NAV2: variants seen among roughly 807,000 people sequenced by gnomAD.
The protein encoded by NAV2 is helicase, APC down-regulated 1.
In NAV2, 54 loss-of-function variants were observed where a neutral mutation model predicts 223.2. That is an observed-to-expected ratio of 0.24 (90% CI 0.19 to 0.30). The LOEUF (loss-of-function observed/expected upper bound fraction) is 0.30. Among genes scored for constraint, NAV2 ranks in the 10% least tolerant of loss-of-function variants. The probability of loss-of-function intolerance (pLI) is 1.00; values close to 1 mark genes in which losing one functional copy is unlikely to be tolerated. For synonymous variants in NAV2, 1,279 were observed against 1,239.3 expected (o/e 1.03, Z -0.67); for missense variants, 2,806 against 3,147.5 (o/e 0.89, Z 2.60).
Position 19,378,718 on chromosome 11 carries a change from G to A in NAV2, c.75+27691G>A, listed in dbSNP as rs945709835. Among the ~76,000 whole-genome samples the A allele has an allele frequency of 5.3e-5, 8 of 152,204 alleles. No individual in the cohort carries two copies. The South Asian group carries it at 1.0e-3, about 20-fold the overall frequency. On this transcript the variant is annotated intron_variant, in intron 1 of 37. Transcript: ENST00000360655. ...GTGTCAAGCTGAGGACAGGTTTGGCGCCTTCTTTGATTGTCTCCTCTGAAA... is the reference window on the plus strand; with the variant it reads ...GTGTCAAGCTGAGGACAGGTTTGGCACCTTCTTTGATTGTCTCCTCTGAAA...
rs1338595023 is a variant in NAV2 at position 19,998,045 on chromosome 11, G to T, written c.2768+13798G>T. Among the ~76,000 whole-genome samples the T allele has an allele frequency of 6.6e-6, 1 of 152,154 alleles. No homozygotes were observed. The highest frequency in any genetic ancestry group is 1.9e-4 in the East Asian group (1 of 5,194). On this transcript the variant is annotated intron_variant, in intron 11 of 37. Transcript: ENST00000349880. The surrounding 1 kb of genome is among the most constrained non-coding windows in gnomAD (Gnocchi z 5.0). ...CCCCAAGACTGAGAGGAAGGAAGCAGAACAAAAGTGTGTTTTTCTCAGCAT... is the reference window on the plus strand; with the variant it reads ...CCCCAAGACTGAGAGGAAGGAAGCATAACAAAAGTGTGTTTTTCTCAGCAT...
chr11:19,612,592 C>T (rs907997654), intron 1 of NAV2, among the ~76,000 whole-genome samples: 5 of 152,196 alleles, frequency 3.3e-5, no homozygotes, highest in Admixed American at 6.5e-5. Context: ...GGGTAAAATG[C>T]CACCAGCCTC....
intron 11 of NAV2, among the ~76,000 whole-genome samples, chr11:20,013,687 A>G (rs745378013): frequency 6.6e-6 from 1 of 152,168 alleles, no homozygotes; most frequent in Non-Finnish European, 1.5e-5. Context: ...CATTTCATAC[A>G]ATGCCCGGTC....
At chr11:19,811,706 TAA>T (rs1206341449) in intron 1 of NAV2, among the ~76,000 whole-genome samples, 1 of 152,208 alleles carries the variant, frequency 6.6e-6, no homozygotes, top group Non-Finnish European at 1.5e-5. Flanking sequence ...CCTGGAATTG[TAA>T]ATGACTGCCT....
chr11:19,531,400 G>A (rs1413409971), intron 1 of NAV2, among the ~76,000 whole-genome samples: 1 of 152,186 alleles, frequency 6.6e-6, no homozygotes, highest in Non-Finnish European at 1.5e-5. Context: ...GAAGCAGGGG[G>A]CCAGTTAGGA....
chr11:20,078,362 A>G (rs1326416059), intron 24 of NAV2, among the ~76,000 whole-genome samples: 1 of 152,266 alleles, frequency 6.6e-6, no homozygotes, highest in Non-Finnish European at 1.5e-5. Flanking sequence ...GCAGAGTGTT[A>G]AAGTATTTTA....
At chr11:20,033,179 T>C (rs912736259) in intron 11 of NAV2, among the ~76,000 whole-genome samples, 4 of 152,192 alleles carry the variant, frequency 2.6e-5, no homozygotes, top group African/African-American at 9.6e-5. Context: ...CTCTATTTCT[T>C]CATTTGTAAA....
intron 1 of NAV2, among the ~76,000 whole-genome samples, chr11:19,646,127 C>A (rs2047809924): frequency 6.6e-6 from 1 of 152,208 alleles, no homozygotes; most frequent in African/African-American, 2.4e-5. Context: ...CCTGGCTTTG[C>A]AAATGGGGTT....
In NAV2 at chr11:20,017,367, T is replaced by C. The variant is rs117250062; in HGVS notation, c.2769-18592T>C. On this transcript the variant is annotated intron_variant, in intron 11 of 37. Transcript: ENST00000349880. ...CCCCTTCCACTCCCCAACCCCTTCG[T>C]CTGGAACACCTGGCTTTCTCCTTCT... Among the ~76,000 whole-genome samples the C allele has an allele frequency of 9.4e-4, 143 of 152,286 alleles. 2 individuals carry two copies. In the East Asian group the frequency reaches 0.027, roughly 29 times the overall value.
At chr11:19,768,059 C>T (rs1281227942) in intron 1 of NAV2, among the ~76,000 whole-genome samples, 3 of 152,226 alleles carry the variant, frequency 2.0e-5, no homozygotes, top group African/African-American at 7.2e-5. Flanking sequence ...TCCTGGGAAA[C>T]AGGGAGTGAT....
In NAV2 at chr11:19,777,969, T is replaced by C. The variant is rs1485955676; in HGVS notation, c.268-54515T>C. On this transcript the variant is annotated intron_variant, in intron 1 of 37. Transcript: ENST00000349880. ...TGCGGTTTGGCTTGTCTGTGGGGAA[T>C]ACATGAGCCCCGAGTGAGTGAGTAT... is the stretch of plus-strand genomic sequence containing the variant. The C allele has an allele frequency of 8.8e-6, 4 of 455,370 alleles. No homozygotes were observed. The Admixed American group carries it at 9.4e-5, about 11-fold the overall frequency. 28.2% of individuals were successfully genotyped at this position (455,370 alleles called of 1,614,324 possible). A position where few individuals can be genotyped will look rare whatever the true frequency, so the allele number is the denominator to read the frequency against.
chr11:19,348,324 CT>C (rs1199968397), upstream of NAV2, among the ~76,000 whole-genome samples: 1 of 151,996 alleles, frequency 6.6e-6, no homozygotes, highest in African/African-American at 2.4e-5. Context: ...TGGCACCGGA[CT>C]TTTTTTTCTT....
intron 10 of NAV2, among the ~76,000 whole-genome samples, chr11:19,966,260 G>A (rs538759773): frequency 4.6e-5 from 7 of 152,240 alleles, no homozygotes; most frequent in Admixed American, 6.5e-5. Context: ...CATCTGTGGC[G>A]AATACAGTTC....
intron 1 of NAV2, among the ~76,000 whole-genome samples, chr11:19,372,286 C>T (rs1848497266): frequency 6.6e-6 from 1 of 152,182 alleles, no homozygotes; most frequent in African/African-American, 2.4e-5. Flanking sequence ...TGAATATGCA[C>T]TTGATTCCCT....
Position 20,118,634 on chromosome 11 carries a change from C to G in NAV2, c.*376C>G. 5.7e-6 allele frequency: 1 copy of G among 175,482 alleles called. No homozygotes were observed. The highest frequency in any genetic ancestry group is 1.2e-5 in the Non-Finnish European group (1 of 83,530). 10.9% of individuals were successfully genotyped at this position (175,482 alleles called of 1,614,324 possible). ...ATGAAGCTCTGAAACCAAACAGCAT[C>G]CTGCCATGAGCTTCCCAGAGACAGA... On this transcript the variant is annotated 3_prime_UTR_variant, in exon 38 of 38. Coordinates refer to ENST00000349880, the MANE Select transcript of NAV2 (RefSeq NM_145117.5).
At chr11:19,602,393 G>T (rs552756334) in intron 1 of NAV2, among the ~76,000 whole-genome samples, 1 of 152,124 alleles carries the variant, frequency 6.6e-6, no homozygotes, top group East Asian at 1.9e-4. Flanking sequence ...GGCCAGGCTG[G>T]TCTTGAGCTC....
chr11:20,054,615 G>C (rs1314156061), intron 18 of NAV2, among the ~76,000 whole-genome samples: 2 of 152,138 alleles, frequency 1.3e-5, no homozygotes, highest in African/African-American at 4.8e-5. Context: ...TTCTTAAAAA[G>C]AATGCATTCT....
In NAV2 at chr11:19,933,243, C is replaced by T. The variant is rs140147256; in HGVS notation, c.999C>T (p.Ser333=). The change falls in exon 7 of 38, where the codon AGC becomes AGT. Residue 333 remains serine, a synonymous_variant. Transcript: ENST00000349880. The surrounding 1 kb of genome is among the most constrained non-coding windows in gnomAD (Gnocchi z 4.3). ...ACAATGCACCTGCTTCCTTGGAGAGCGGCAGCAGCTCCACCCCTACTAATT... is the reference window on the plus strand; with the variant it reads ...ACAATGCACCTGCTTCCTTGGAGAGTGGCAGCAGCTCCACCCCTACTAATT... ...MSDNAPASLE[S]GSSSTPTNCS... 2.0e-5 allele frequency: 32 copies of T among 1,597,660 alleles called. No individual in the cohort carries two copies. Among genetic ancestry groups the T allele is most frequent in the South Asian group, 5.6e-5 (5 of 88,846 alleles).
chr11:19,997,700 G>T (rs2052048054), intron 11 of NAV2, among the ~76,000 whole-genome samples: 1 of 152,262 alleles, frequency 6.6e-6, no homozygotes, highest in South Asian at 2.1e-4. Flanking sequence ...ACTTAGGGCT[G>T]TCTGGCTCTA....
Sources: gnomAD v4.1 joint callset for allele counts (sites outside exome capture counted in the v4.1 genomes callset) on GRCh38, gnomAD v4.1.1 for gene constraint, Gnocchi (gnomAD v3.1) non-coding constraint, MANE v1.5 for transcripts, NCBI Gene and HGNC (gene_info 2026-07-23, HGNC 2026-07-21) for gene names.